Variants in JAK2 observed in about 807,000 individuals in gnomAD.
JAK2 encodes Janus kinase 2.
A neutral mutation model predicts 139.3 loss-of-function variants in JAK2; 86 were observed. The ratio of observed to expected loss-of-function variants is 0.62; its 90% CI spans 0.52 to 0.74. The LOEUF is 0.74. Ranked by LOEUF, JAK2 falls within the 30% of genes least tolerant of loss-of-function variation. The probability of loss-of-function intolerance (pLI) is 0.00; values close to 1 mark genes in which losing one functional copy is unlikely to be tolerated. For synonymous variants in JAK2, 490 were observed against 437.7 expected (o/e 1.12, Z -1.49); for missense variants, 1,421 against 1,360.3 (o/e 1.04, Z -0.70).
At chr9:5,052,643 C>G (rs182391405) in intron 6 of JAK2, among the ~76,000 whole-genome samples, 1 of 152,174 alleles carries the variant, frequency 6.6e-6, no homozygotes, top group East Asian at 1.9e-4. Context: ...AGCATTCAGT[C>G]CTCATCCCAC....
intron 14 of JAK2, among the ~76,000 whole-genome samples, chr9:5,075,611 G>GA (rs1245120174): frequency 1.3e-5 from 2 of 152,090 alleles, no homozygotes; most frequent in Admixed American, 1.3e-4. Flanking sequence ...GACCTGCTCA[G>GA]AAAAAAAGAT....
Position 5,041,886 on chromosome 9 carries a change from C to G in JAK2, c.351-2517C>G, listed in dbSNP as rs546055711. The G allele has an allele frequency of 3.6e-3, 1,538 of 426,246 alleles. 14 individuals carry two copies. Among genetic ancestry groups the G allele is most frequent in the African/African-American group, 0.016 (762 of 48,260 alleles). 26.4% of individuals were successfully genotyped at this position (426,246 alleles called of 1,614,324 possible). The stretch of plus-strand genomic sequence containing the variant: ...CATGGCCGGCCACTCCAGCGCCCAT[C>G]AGGGCGCCTGCAGAGATGGAGGTGG... On this transcript the variant is annotated intron_variant, in intron 4 of 24. Transcript: ENST00000381652.
At chr9:5,120,543 A>C (rs1349588943) in intron 22 of JAK2, among the ~76,000 whole-genome samples, 2 of 152,140 alleles carry the variant, frequency 1.3e-5, no homozygotes, top group South Asian at 4.1e-4. Flanking sequence ...CTGGGGGAAA[A>C]AGTGCCTCTG....
intron 22 of JAK2, chr9:5,110,246 C>T (rs1249700045): frequency 6.6e-6 from 1 of 152,196 alleles, no homozygotes; most frequent in Non-Finnish European, 1.5e-5. Context: ...TCCTGCTCAT[C>T]CGCTTCTACC....
At chr9:4,993,047 C>G (rs536436393) in intron 2 of JAK2, among the ~76,000 whole-genome samples, 1 of 152,146 alleles carries the variant, frequency 6.6e-6, no homozygotes, top group Admixed American at 6.5e-5. Context: ...GCTCCAGAGT[C>G]CAAAGGCCCC....
intron 2 of JAK2, among the ~76,000 whole-genome samples, chr9:5,018,067 A>T (rs1303428572): frequency 6.6e-6 from 1 of 152,178 alleles, no homozygotes; most frequent in African/African-American, 2.4e-5. Flanking sequence ...TCTATCTTTT[A>T]AGTGGAAAGT....
intron 23 of JAK2, among the ~76,000 whole-genome samples, chr9:5,125,617 G>A (rs1455644531): frequency 6.9e-6 from 1 of 145,946 alleles, no homozygotes; most frequent in African/African-American, 2.6e-5. Context: ...TATCTCAACA[G>A]CAATGCATAG....
At position 5,078,485 on chromosome 9, in the gene JAK2, A is replaced by T. The variant is rs778430133; in HGVS notation, c.2131+41A>T. 2.6e-6 allele frequency: 4 copies of T among 1,535,712 alleles called. No individual in the cohort carries two copies. The Admixed American group carries it at 7.3e-5, about 28-fold the overall frequency. ...ATTATATATAATGTTACTAAGCTTTACTTGGGCAGTGGTGTAAAGGGCATG... is the reference window on the plus strand; with the variant it reads ...ATTATATATAATGTTACTAAGCTTTTCTTGGGCAGTGGTGTAAAGGGCATG... On this transcript the variant is annotated intron_variant, in intron 16 of 24. Transcript: ENST00000381652.
intron 2 of JAK2, among the ~76,000 whole-genome samples, chr9:4,998,253 G>A (rs532250329): frequency 5.3e-5 from 8 of 152,054 alleles, no homozygotes; most frequent in East Asian, 3.9e-4. Flanking sequence ...AAACTCCAAC[G>A]GGTTTTTTTG....
intron 2 of JAK2, among the ~76,000 whole-genome samples, chr9:5,003,067 C>G (rs1821024245): frequency 6.6e-6 from 1 of 151,914 alleles, no homozygotes; most frequent in Non-Finnish European, 1.5e-5. Context: ...TTTTTTTGGA[C>G]TCTATTCTGT....
intron 8 of JAK2, among the ~76,000 whole-genome samples, chr9:5,063,178 A>T (rs1818308212): frequency 6.6e-6 from 1 of 152,148 alleles, no homozygotes; most frequent in South Asian, 2.1e-4. Flanking sequence ...GGGCCAAGAA[A>T]TATGCTGTAA....
intron 14 of JAK2, among the ~76,000 whole-genome samples, chr9:5,075,571 G>A (rs910574587): frequency 6.6e-6 from 1 of 152,168 alleles, no homozygotes; most frequent in Non-Finnish European, 1.5e-5. Context: ...TTATAGCATG[G>A]TTTATTGACT....
intron 23 of JAK2, among the ~76,000 whole-genome samples, chr9:5,125,075 C>A (rs1823885548): frequency 6.6e-6 from 1 of 150,760 alleles, no homozygotes; most frequent in Non-Finnish European, 1.5e-5. Flanking sequence ...TTCTCTTGGT[C>A]ATCATAGAAT....
chr9:4,991,858 GCTTTACCATTATATTT>G (rs1183681674), intron 2 of JAK2, among the ~76,000 whole-genome samples: 2 of 151,962 alleles, frequency 1.3e-5, no homozygotes, highest in African/African-American at 4.8e-5. Flanking sequence ...GCCTTCAAGG[GCTTTACCATTATATTT>G]CTCTCCTCTT....
intron 2 of JAK2, among the ~76,000 whole-genome samples, chr9:4,988,211 G>A (rs1175962652): frequency 6.6e-6 from 1 of 152,054 alleles, no homozygotes; most frequent in Non-Finnish European, 1.5e-5. Context: ...CCCAAACTGT[G>A]TGCCAAGGTG....
At chr9:5,004,259 T>C (rs1201285462) in intron 2 of JAK2, among the ~76,000 whole-genome samples, 1 of 152,172 alleles carries the variant, frequency 6.6e-6, no homozygotes, top group Non-Finnish European at 1.5e-5. Flanking sequence ...AAATTTCGTA[T>C]CCTTTGACCA....
intron 19 of JAK2, among the ~76,000 whole-genome samples, chr9:5,083,718 A>G (rs950242024): frequency 3.9e-5 from 6 of 152,318 alleles, no homozygotes; most frequent in African/African-American, 1.2e-4. Context: ...GAATACATCA[A>G]AAGATCACTA....
rs552214228 is a variant in JAK2, at chr9:5,053,045, G to A, written c.615-1518G>A. On this transcript the variant is annotated intron_variant, in intron 6 of 24. Coordinates refer to ENST00000381652, the MANE Select transcript of JAK2 (RefSeq NM_004972.4). Reference sequence around the variant, plus strand: ...GGAATTCCTGGAACATATGGTAACTGTTTAACTTTTTGAGGAACTGCTTAA... The same window carrying A: ...GGAATTCCTGGAACATATGGTAACTATTTAACTTTTTGAGGAACTGCTTAA... 1.6e-4 allele frequency among the ~76,000 whole-genome samples: 24 copies of A among 152,148 alleles called. 1 individual carries two copies. The South Asian group carries it at 5.0e-3, about 32-fold the overall frequency.
chr9:5,041,974 G>A (rs962561038), intron 4 of JAK2: 5 of 369,164 alleles, frequency 1.4e-5, no homozygotes, highest in Non-Finnish European at 2.6e-5. Context: ...CCCTTGGGGA[G>A]CGAGCTTGTG....
Sources: allele counts gnomAD v4.1 joint callset (sites outside exome capture counted in the v4.1 genomes callset), GRCh38; gene constraint gnomAD v4.1.1; transcripts MANE v1.5; gene names NCBI Gene and HGNC (gene_info 2026-07-23, HGNC 2026-07-21).